DNAH12: variants seen among roughly 807,000 people sequenced by gnomAD.
DNAH12 encodes the protein axonemal beta dynein heavy chain 12.
A neutral mutation model predicts 371.5 loss-of-function variants in DNAH12; 285 were observed. That is an observed-to-expected ratio of 0.77 (90% confidence interval 0.70 to 0.85). DNAH12 has a LOEUF of 0.85. Among genes scored for constraint, DNAH12 ranks in the 40% least tolerant of loss-of-function variants. The pLI, the probability that DNAH12 is intolerant of heterozygous loss-of-function variation, is 0.00. For synonymous variants in DNAH12, 1,200 were observed against 1,213.0 expected (o/e 0.99, Z 0.22); for missense variants, 3,611 against 3,689.4 (o/e 0.98, Z 0.55).
At chr3:57,450,643 A>C (rs2065731250) in intron 25 of DNAH12, among the ~76,000 whole-genome samples, 1 of 152,266 alleles carries the variant, frequency 6.6e-6, no homozygotes, top group Non-Finnish European at 1.5e-5. Context: ...CAGAGGTAAC[A>C]GATATGACAT....
At chr3:57,519,946 G>A (rs1285068205) in intron 4 of DNAH12, 5 of 878,722 alleles carry the variant, frequency 5.7e-6, no homozygotes, top group Admixed American at 1.8e-5. Context: ...TCCCGACTTG[G>A]AGCCTGCGCT....
intron 62 of DNAH12, among the ~76,000 whole-genome samples, chr3:57,326,105 G>C (rs2153299881): frequency 6.6e-6 from 1 of 152,134 alleles, no homozygotes; most frequent in East Asian, 1.9e-4. Context: ...AAAGTGACGG[G>C]GAGAATGGAA....
chr3:57,439,721 C>A (rs1001402494), intron 29 of DNAH12, among the ~76,000 whole-genome samples: 1 of 150,396 alleles, frequency 6.6e-6, no homozygotes, highest in African/African-American at 2.4e-5. Flanking sequence ...TTCTGCATGG[C>A]AAAAGAAACT....
chr3:57,405,799 G>A lies in DNAH12; in HGVS notation c.6430C>T (p.His2144Tyr). 1 of 1,551,660 alleles carries A rather than the reference G, an allele frequency of 6.4e-7. No individual in the cohort carries two copies. The highest frequency in any genetic ancestry group is 2.4e-5 in the East Asian group (1 of 40,916). ...TCATAAAACACTCGGAGAACCTCAT[G>A]CACAAACAGACGGATCATAGTGTGT... ...NKHTMIRLFV[H>Y]EVLRVFYDRL... Residue 2144 changes from histidine to tyrosine, a missense_variant, in exon 41 of 74, where the codon CAT (histidine) becomes TAT (tyrosine). By Grantham distance (83) the His-to-Tyr change is moderately conservative. Coordinates refer to ENST00000495027, the MANE Select transcript of DNAH12 (RefSeq NM_001366028.2).
rs1553678663 is a variant in DNAH12, at chr3:57,401,580, A to AG, written c.6948+1728_6948+1729insC. ...CTCCATCTCAAAAAAAAAAAAAAAAAAAGAAGAAGAAGAAGAAGAAAGACA... is the reference window on the plus strand; with the variant it reads ...CTCCATCTCAAAAAAAAAAAAAAAAAGAAGAAGAAGAAGAAGAAGAAAGACA... On this transcript the variant is annotated intron_variant, in intron 43 of 73. Transcript: ENST00000495027. 7.0e-3 allele frequency among the ~76,000 whole-genome samples: 909 copies of AG among 129,656 alleles called. 3 individuals are homozygous for AG. Among genetic ancestry groups the AG allele is most frequent in the Non-Finnish European group, 8.9e-3 (569 of 63,618 alleles). The allele number at this position is 129,656 out of a possible 152,430, so 85.1% of individuals were successfully genotyped here. A position where few individuals can be genotyped will look rare whatever the true frequency, so the allele number is the denominator to read the frequency against.
chr3:57,430,812 A>G (rs900486230), intron 32 of DNAH12, among the ~76,000 whole-genome samples: 1 of 152,216 alleles, frequency 6.6e-6, no homozygotes, highest in Non-Finnish European at 1.5e-5. Context: ...GTCAACAATG[A>G]GAAATTTAAC....
intron 4 of DNAH12, among the ~76,000 whole-genome samples, chr3:57,515,624 TATTA>T (rs2068164373): frequency 6.6e-6 from 1 of 151,776 alleles, no homozygotes; most frequent in African/African-American, 2.4e-5. Context: ...AAATAATTAT[TATTA>T]ATAATAATAA....
Position 57,513,510 on chromosome 3 carries a change from T to A in DNAH12, c.280-2531A>T, listed in dbSNP as rs376052480. 9.9e-5 allele frequency among the ~76,000 whole-genome samples: 3 copies of A among 30,360 alleles called. No homozygotes were observed. In the South Asian group the frequency reaches 3.8e-3, roughly 39 times the overall value. 19.9% of individuals were successfully genotyped at this position (30,360 alleles called of 152,430 possible). ...TAAAGTAAAATTTAAAAACTTATAA[T>A]AAAAAAAATACTACTAAACTGTACC... On this transcript the variant is annotated intron_variant, in intron 4 of 73. Coordinates refer to ENST00000495027, the MANE Select transcript of DNAH12 (RefSeq NM_001366028.2).
At chr3:57,307,988 A>G (rs1408504999) in intron 69 of DNAH12, among the ~76,000 whole-genome samples, 1 of 152,220 alleles carries the variant, frequency 6.6e-6, no homozygotes, top group African/African-American at 2.4e-5. Context: ...CCTCAAGGAA[A>G]TAACTTCTCA....
At chr3:57,450,266 T>C (rs1327156646) in intron 25 of DNAH12, among the ~76,000 whole-genome samples, 1 of 43,700 alleles carries the variant, frequency 2.3e-5, no homozygotes, top group South Asian at 1.0e-3. Flanking sequence ...AAAAAAAAGG[T>C]GGCCCAGTGA....
chr3:57,302,170 A>T (rs1195703240), intron 69 of DNAH12, among the ~76,000 whole-genome samples: 1 of 152,150 alleles, frequency 6.6e-6, no homozygotes, highest in Non-Finnish European at 1.5e-5. Context: ...CAACTAGCAT[A>T]TCAAAATTTT....
At chr3:57,383,759 T>TA (rs1276621133) in intron 49 of DNAH12, among the ~76,000 whole-genome samples, 9,920 of 132,488 alleles carry the variant, frequency 0.075, 1,185 homozygotes, top group African/African-American at 0.26. Context: ...GACCCTGTCT[T>TA]AAAAAAAAAA....
At chr3:57,407,922 C>T (rs2064088289) in intron 40 of DNAH12, among the ~76,000 whole-genome samples, 1 of 152,116 alleles carries the variant, frequency 6.6e-6, no homozygotes, top group Non-Finnish European at 1.5e-5. Flanking sequence ...GAAAAAACGA[C>T]AAGTACCAGA....
Position 57,459,700 on chromosome 3 carries a change from G to C in DNAH12, c.2823C>G (p.Ile941Met), listed in dbSNP as rs1170046181. ...VQAQWLYLEPIFCSEDIMQQM... is the reference protein window; with the variant it reads ...VQAQWLYLEPMFCSEDIMQQM... ...GTTGCATGATATCCTCAGAACAAAA[G>C]ATGGGCTCTAAGTACAGCCATTGAG... The change falls in exon 20 of 74, where the codon ATC (isoleucine) becomes ATG (methionine). Residue 941 changes from isoleucine to methionine, a missense_variant. Ile to Met is a conservative substitution (Grantham distance 10). This residue lies in a region of DNAH12 where 1,314 missense variants were observed against 1,398.7 expected (regional missense o/e 0.94). Transcript: ENST00000495027. 2 of 1,549,180 alleles carry C rather than the reference G, an allele frequency of 1.3e-6. No homozygotes were observed. Among genetic ancestry groups the C allele is most frequent in the East Asian group, 2.4e-5 (1 of 40,890 alleles).
intron 11 of DNAH12, among the ~76,000 whole-genome samples, chr3:57,493,986 GC>G (rs1490902590): frequency 6.6e-6 from 1 of 152,158 alleles, no homozygotes; most frequent in Non-Finnish European, 1.5e-5. Context: ...TAATGCCAGA[GC>G]TTTGGGATGC....
At chr3:57,298,721 T>C (rs1159689571) in intron 70 of DNAH12, among the ~76,000 whole-genome samples, 1 of 152,224 alleles carries the variant, frequency 6.6e-6, no homozygotes, top group African/African-American at 2.4e-5. Flanking sequence ...AAACAATCTC[T>C]GCTTTCTTGT....
At chr3:57,418,681 GTTTT>G (rs1189356562) in intron 37 of DNAH12, among the ~76,000 whole-genome samples, 1 of 151,776 alleles carries the variant, frequency 6.6e-6, no homozygotes, top group Non-Finnish European at 1.5e-5. Context: ...TATTTTTCCT[GTTTT>G]TTTGTTTTTT....
At chr3:57,526,526 T>A (rs931137529) in intron 2 of DNAH12, among the ~76,000 whole-genome samples, 41 of 146,026 alleles carry the variant, frequency 2.8e-4, no homozygotes, top group African/African-American at 1.0e-3. Context: ...TGTTTCCAGA[T>A]CTTTTTTTTT....
chr3:57,298,663 C>CT (rs1187430381), intron 70 of DNAH12, among the ~76,000 whole-genome samples: 1 of 152,220 alleles, frequency 6.6e-6, no homozygotes, highest in Middle Eastern at 3.2e-3. Context: ...TTTGCAGTAT[C>CT]TAAACCATTC....
Sources: allele counts gnomAD v4.1 joint callset (sites outside exome capture counted in the v4.1 genomes callset), GRCh38; gene constraint gnomAD v4.1.1; regional missense constraint gnomAD v4.1.1; transcripts MANE v1.5; gene names NCBI Gene and HGNC (gene_info 2026-07-23, HGNC 2026-07-21).